BABAM2: variants seen among roughly 807,000 people sequenced by gnomAD.
BABAM2 encodes the protein BRISC and BRCA1 A complex member 2.
In BABAM2, 31 loss-of-function variants were observed where a neutral mutation model predicts 54.7. The observed-to-expected ratio is 0.57, with a 90% CI of 0.43 to 0.77. BABAM2 has a LOEUF of 0.77. Among genes scored for constraint, BABAM2 ranks in the 30% least tolerant of loss-of-function variants. BABAM2 has a pLI of 0.00. For missense variants in BABAM2, 364 were observed against 455.8 expected (o/e 0.80, Z 1.83); for synonymous variants, 167 against 162.9 (o/e 1.03, Z -0.19).
At chr2:28,158,841 T>C (rs1446564203) in intron 7 of BABAM2, among the ~76,000 whole-genome samples, 1 of 152,232 alleles carries the variant, frequency 6.6e-6, no homozygotes, top group Non-Finnish European at 1.5e-5. Context: ...GATTTTAAGT[T>C]GGCAGAGTAG....
At chr2:28,160,273 G>A (rs1380469434) in intron 7 of BABAM2, among the ~76,000 whole-genome samples, 1 of 152,276 alleles carries the variant, frequency 6.6e-6, no homozygotes, top group East Asian at 1.9e-4. Flanking sequence ...TAGCCACTGC[G>A]CCTGGCCATG....
intron 3 of BABAM2, among the ~76,000 whole-genome samples, chr2:27,945,714 T>C (rs943097550): frequency 9.2e-5 from 14 of 152,278 alleles, no homozygotes; most frequent in African/African-American, 3.4e-4. Flanking sequence ...TATTTTATAG[T>C]TTTCAGTGAA....
chr2:28,008,391 A>G (rs1156952988), intron 4 of BABAM2, among the ~76,000 whole-genome samples: 1 of 152,138 alleles, frequency 6.6e-6, no homozygotes, highest in East Asian at 1.9e-4. Flanking sequence ...TACGAACTCA[A>G]ATGTCTGAAG....
chr2:27,905,884 G>A (rs1666153520), intron 2 of BABAM2, among the ~76,000 whole-genome samples: 1 of 152,220 alleles, frequency 6.6e-6, no homozygotes. Flanking sequence ...CTCTGACCCT[G>A]CAGGTGGATG....
chr2:27,992,743 C>T (rs146062335), intron 4 of BABAM2, among the ~76,000 whole-genome samples: 1 of 152,126 alleles, frequency 6.6e-6, no homozygotes, highest in East Asian at 1.9e-4. Context: ...TTAACTTGAA[C>T]TTCTTCTCTT....
At chr2:28,306,749 T>C (rs183025799) in intron 11 of BABAM2, among the ~76,000 whole-genome samples, 206 of 152,002 alleles carry the variant, frequency 1.4e-3, no homozygotes, top group South Asian at 3.7e-3. Flanking sequence ...CAGATTGGAG[T>C]GCAGTGGTGT....
At chr2:28,317,846 G>A (rs995788308) in intron 11 of BABAM2, among the ~76,000 whole-genome samples, 7 of 152,290 alleles carry the variant, frequency 4.6e-5, no homozygotes, top group Admixed American at 1.3e-4. Flanking sequence ...CACCAGAGAC[G>A]TTTTAAGATT....
intron 8 of BABAM2, among the ~76,000 whole-genome samples, chr2:28,238,789 G>C (rs1038991345): frequency 6.6e-6 from 1 of 152,018 alleles, no homozygotes; most frequent in Non-Finnish European, 1.5e-5. Context: ...GAGAAGAAAA[G>C]CCTTTTTAAA....
In BABAM2 at chr2:28,025,362, T is replaced by G. The variant is rs1281168255; in HGVS notation, c.437T>G (p.Leu146Arg). 1.9e-6 allele frequency: 3 copies of G among 1,610,986 alleles called. No individual in the cohort carries two copies. The highest frequency in any genetic ancestry group is 2.7e-5 in the African/African-American group (2 of 74,774). The change falls in exon 5 of 12, where the codon CTG (leucine) becomes CGG (arginine). Residue 146 changes from leucine (L) to arginine (R), a missense_variant. Leu to Arg is a moderately radical substitution (Grantham distance 102). Coordinates refer to ENST00000379624, the MANE Select transcript of BABAM2 (RefSeq NM_199191.3). Reference sequence around the variant, plus strand: ...CTCATGTTTGAATACCAGACATTACTGGAGGAGCCACAGTATGGAGAGAAC... The same window carrying G: ...CTCATGTTTGAATACCAGACATTACGGGAGGAGCCACAGTATGGAGAGAAC... ...SRLMFEYQTL[L>R]EEPQYGENME...
intron 3 of BABAM2, among the ~76,000 whole-genome samples, chr2:27,965,690 C>T (rs1670786661): frequency 6.6e-6 from 1 of 152,094 alleles, no homozygotes; most frequent in Non-Finnish European, 1.5e-5. Context: ...CATACATATA[C>T]AAACATACAT....
intron 10 of BABAM2, among the ~76,000 whole-genome samples, chr2:28,252,894 T>C (rs764987841): frequency 1.3e-5 from 2 of 152,258 alleles, no homozygotes; most frequent in Non-Finnish European, 2.9e-5. Flanking sequence ...TTTGACATGC[T>C]GTCAAATTAA....
At chr2:28,211,344 C>G (rs1243298387) in intron 7 of BABAM2, among the ~76,000 whole-genome samples, 1 of 148,090 alleles carries the variant, frequency 6.8e-6, no homozygotes, top group Non-Finnish European at 1.5e-5. Context: ...TATTTAATAA[C>G]ATTTGGTCAT....
At chr2:27,989,790 A>G (rs991841709) in intron 4 of BABAM2, among the ~76,000 whole-genome samples, 1 of 152,224 alleles carries the variant, frequency 6.6e-6, no homozygotes, top group Non-Finnish European at 1.5e-5. Context: ...AGTCATGTTT[A>G]CAACTTCTTT....
intron 10 of BABAM2, among the ~76,000 whole-genome samples, chr2:28,260,061 T>C (rs747959205): frequency 4.4e-4 from 67 of 151,690 alleles, no homozygotes; most frequent in Non-Finnish European, 6.5e-4. Context: ...CCACCATGCC[T>C]GGCTAATTTT....
At chr2:28,314,164 G>A (rs553176636) in intron 11 of BABAM2, among the ~76,000 whole-genome samples, 38 of 152,270 alleles carry the variant, frequency 2.5e-4, no homozygotes, top group African/African-American at 8.7e-4. Context: ...ATTGTAAAAT[G>A]TATTGAATAA....
chr2:27,907,411 C>G (rs1340604268), intron 2 of BABAM2, among the ~76,000 whole-genome samples: 2 of 151,780 alleles, frequency 1.3e-5, no homozygotes, highest in Non-Finnish European at 1.5e-5. Flanking sequence ...TTTTTTTCAT[C>G]TGTGGACTCC....
chr2:27,954,732 G>A (rs978896472), intron 3 of BABAM2, among the ~76,000 whole-genome samples: 3 of 152,102 alleles, frequency 2.0e-5, no homozygotes, highest in African/African-American at 7.2e-5. Context: ...GCCAACTTTC[G>A]TCGAATTAAT....
At chr2:28,303,552 A>G (rs908997203) in intron 11 of BABAM2, among the ~76,000 whole-genome samples, 5 of 152,216 alleles carry the variant, frequency 3.3e-5, no homozygotes, top group Non-Finnish European at 5.9e-5. Flanking sequence ...TTGTATACCA[A>G]TATTTCTTGA....
intron 2 of BABAM2, among the ~76,000 whole-genome samples, chr2:27,925,567 C>G (rs935758126): frequency 6.6e-6 from 1 of 152,162 alleles, no homozygotes; most frequent in Non-Finnish European, 1.5e-5. Flanking sequence ...CCACATTGCT[C>G]CCAGCTGCCC....
Sources: allele counts gnomAD v4.1 joint callset (sites outside exome capture counted in the v4.1 genomes callset), GRCh38; gene constraint gnomAD v4.1.1; transcripts MANE v1.5; gene names NCBI Gene and HGNC (gene_info 2026-07-23, HGNC 2026-07-21).